CRTAC1: variants seen among roughly 807,000 people sequenced by gnomAD.
CRTAC1 encodes cartilage acidic protein 1, also known as acidic secreted protein in cartilage.
CRTAC1 carries 37 observed loss-of-function variants against 67.8 expected under a neutral mutation model. That is an observed-to-expected ratio of 0.55 (90% confidence interval 0.42 to 0.72). CRTAC1 has a LOEUF of 0.72. Among genes scored for constraint, CRTAC1 ranks in the 30% least tolerant of loss-of-function variants. The pLI is 0.00. For missense variants in CRTAC1, 780 were observed against 931.6 expected (o/e 0.84, Z 2.12); for synonymous variants, 348 against 371.0 (o/e 0.94, Z 0.71).
rs115038657 is a variant in CRTAC1 at position 97,938,228 on chromosome 10, A to G, written c.225-1862T>C. On this transcript the variant is annotated intron_variant, in intron 2 of 14. Coordinates refer to ENST00000370597, the MANE Select transcript of CRTAC1 (RefSeq NM_018058.7). ...ACCTATGGAGACGTGTCTAGGCAGGAGAGACAGGTACTTGGGTTCCAGCAC... is the reference window on the plus strand; with the variant it reads ...ACCTATGGAGACGTGTCTAGGCAGGGGAGACAGGTACTTGGGTTCCAGCAC... Among the ~76,000 whole-genome samples the G allele has an allele frequency of 4.1e-3, 626 of 152,240 alleles. 3 individuals carry two copies. Among genetic ancestry groups the G allele is most frequent in the African/African-American group, 0.014 (566 of 41,536 alleles).
chr10:97,904,605 G>C, intron 7 of CRTAC1, 64 bp downstream of exon 7: 1 of 1,445,520 alleles, frequency 6.9e-7, no homozygotes, highest in South Asian at 1.6e-5. Flanking sequence ...ATTTTTAGTA[G>C]AGACAGGGTT....
Position 97,985,237 on chromosome 10 carries a change from A to C in CRTAC1, c.224+25901T>G, listed in dbSNP as rs114777721. 3.7e-3 allele frequency among the ~76,000 whole-genome samples: 560 copies of C among 152,332 alleles called. 10 individuals carry two copies. Among genetic ancestry groups the C allele is most frequent in the African/African-American group, 0.013 (525 of 41,580 alleles). On this transcript the variant is annotated intron_variant, in intron 2 of 14. Transcript: ENST00000370597. ...ATTTGAACCATAGCTAAGCCCTGTT[A>C]TTCTTCTTCCTACTACTCTATAATA...
intron 1 of CRTAC1, among the ~76,000 whole-genome samples, chr10:98,026,222 T>TGAG (rs1843229793): frequency 6.6e-6 from 1 of 152,170 alleles, no homozygotes; most frequent in South Asian, 2.1e-4. Context: ...AGAAGGAAAC[T>TGAG]GAGGCTTGCA....
chr10:97,954,588 C>T (rs2051410612), intron 2 of CRTAC1, among the ~76,000 whole-genome samples: 1 of 152,220 alleles, frequency 6.6e-6, no homozygotes. Context: ...GACTCTGGCA[C>T]ATGCCCTAGG....
intron 11 of CRTAC1, among the ~76,000 whole-genome samples, chr10:97,892,808 A>G (rs986187051): frequency 5.3e-5 from 8 of 152,034 alleles, no homozygotes; most frequent in Non-Finnish European, 1.2e-4. Context: ...AGTGATAAAC[A>G]CTCCAACCTC....
At chr10:98,002,320 G>A (rs780256854) in intron 2 of CRTAC1, among the ~76,000 whole-genome samples, 1 of 152,076 alleles carries the variant, frequency 6.6e-6, no homozygotes, top group East Asian at 1.9e-4. Context: ...ACTACTTTGT[G>A]AAAATCAGGT....
At chr10:97,905,771 A>G (rs2050602417) in intron 6 of CRTAC1, among the ~76,000 whole-genome samples, 1 of 152,234 alleles carries the variant, frequency 6.6e-6, no homozygotes, top group Non-Finnish European at 1.5e-5. Context: ...GAAATACTAC[A>G]GCCACGACAG....
At position 98,011,160 on chromosome 10, in the gene CRTAC1, C is replaced by G; in HGVS notation, c.202G>C (p.Asp68His). The change falls in exon 2 of 15, where the codon GAC becomes CAC. Residue 68 changes from aspartate to histidine, a missense_variant. Transcript: ENST00000370597. The part of the protein sequence containing the change: ...VAVTDVDHDG[D>H]FEIVVAGYNG... ...TACCCCGCCACGACGATCTCAAAGT[C>G]CCCATCATGGTCCACATCAGTAACT... is the stretch of plus-strand genomic sequence containing the variant. 6.2e-7 allele frequency: 1 copy of G among 1,614,150 alleles called. No homozygotes were observed. The highest frequency in any genetic ancestry group is 8.5e-7 in the Non-Finnish European group (1 of 1,180,000).
chr10:97,888,428 C>T (rs1405666714), intron 11 of CRTAC1, among the ~76,000 whole-genome samples: 4 of 152,054 alleles, frequency 2.6e-5, no homozygotes, highest in African/African-American at 7.2e-5. Context: ...AGCTGAAGAT[C>T]GGGAAGAAGT....
At chr10:97,908,266 G>A (rs987473440) in intron 5 of CRTAC1, 119 bp from the exon 6 acceptor site, 2 of 1,067,160 alleles carry the variant, frequency 1.9e-6, no homozygotes, top group Non-Finnish European at 2.7e-6. Context: ...AGGAGCCTGG[G>A]GGGAATTCTG....
At chr10:97,920,616 C>G in intron 4 of CRTAC1, among the ~76,000 whole-genome samples, 1 of 152,176 alleles carries the variant, frequency 6.6e-6, no homozygotes, top group Non-Finnish European at 1.5e-5. Flanking sequence ...CACTGCTGGT[C>G]TGGGAACCAC....
intron 2 of CRTAC1, among the ~76,000 whole-genome samples, chr10:97,996,068 A>G (rs1040444936): frequency 6.6e-6 from 1 of 152,074 alleles, no homozygotes; most frequent in Middle Eastern, 3.2e-3. Flanking sequence ...CTTACACCTT[A>G]TACAAAAATT....
chr10:97,924,091 GCAGGT>G (rs1318998019), intron 3 of CRTAC1, among the ~76,000 whole-genome samples: 84 of 152,248 alleles, frequency 5.5e-4, no homozygotes, highest in African/African-American at 2.0e-3. Context: ...TCAGGGAGTT[GCAGGT>G]CTGCACACCA....
intron 3 of CRTAC1, among the ~76,000 whole-genome samples, chr10:97,932,269 A>G (rs1474537095): frequency 6.6e-6 from 1 of 152,190 alleles, no homozygotes; most frequent in East Asian, 1.9e-4. Flanking sequence ...CAGGACTAGA[A>G]CGGCTATTGT....
At chr10:97,961,952 C>T (rs1018913617) in intron 2 of CRTAC1, among the ~76,000 whole-genome samples, 14 of 152,192 alleles carry the variant, frequency 9.2e-5, no homozygotes, top group African/African-American at 3.4e-4. Context: ...GCTTGTGTCT[C>T]CTTTATGTCT....
In CRTAC1 at chr10:97,895,596, C is replaced by A. The variant is rs1378343876; in HGVS notation, c.1318-183G>T. Among the ~76,000 whole-genome samples, 1 of 152,140 alleles carries A rather than the reference C, an allele frequency of 6.6e-6. No homozygotes were observed. The highest frequency in any genetic ancestry group is 1.5e-5 in the Non-Finnish European group (1 of 68,022). On this transcript the variant is annotated intron_variant, in intron 10 of 14. Coordinates refer to ENST00000370597, the MANE Select transcript of CRTAC1 (RefSeq NM_018058.7). This position sits in a 1 kb window ranked among gnomAD's most constrained non-coding sequence, Gnocchi z 4.2. ...AATGAATGAGGCGAAGACAGATTGG[C>A]TGAATGAAGGAGAGGCACTGCAGAC...
intron 11 of CRTAC1, among the ~76,000 whole-genome samples, chr10:97,891,642 C>G (rs1419313231): frequency 1.3e-5 from 2 of 152,248 alleles, no homozygotes; most frequent in Non-Finnish European, 2.9e-5. Flanking sequence ...GTCTCTGCCT[C>G]TCTTGGTCTT....
chr10:97,897,035 C>T lies in CRTAC1; in HGVS notation c.1134-44G>A. 1.4e-6 allele frequency: 2 copies of T among 1,438,656 alleles called. 1 individual carries two copies. Among genetic ancestry groups the T allele is most frequent in the Middle Eastern group, 3.5e-4 (2 of 5,716 alleles). The allele number at this position is 1,438,656 out of a possible 1,614,324, so 89.1% of individuals were successfully genotyped here. A position where few individuals can be genotyped will look rare whatever the true frequency, so the allele number is the denominator to read the frequency against. ...GCTTGCTCTGGTGGGGTCTCAGAGG[C>T]CGCTGGACCAGAAGGCCCACCTGCT... On this transcript the variant is annotated intron_variant, in intron 8 of 14. Transcript: ENST00000370597.
chr10:97,979,496 G>A (rs1590258973), intron 2 of CRTAC1, among the ~76,000 whole-genome samples: 2 of 152,352 alleles, frequency 1.3e-5, no homozygotes, highest in Middle Eastern at 3.4e-3. Context: ...GATGTCACAT[G>A]CTGCTGGTCA....
Sources: allele counts gnomAD v4.1 joint callset (sites outside exome capture counted in the v4.1 genomes callset), GRCh38; gene constraint gnomAD v4.1.1; non-coding constraint Gnocchi (gnomAD v3.1); transcripts MANE v1.5; gene names NCBI Gene and HGNC (gene_info 2026-07-23, HGNC 2026-07-21).